DAB2IP: variants seen among roughly 807,000 people sequenced by gnomAD.
The protein encoded by DAB2IP is DAB2 interacting protein.
A neutral mutation model predicts 107.2 loss-of-function variants in DAB2IP; 28 were observed. The ratio of observed to expected loss-of-function variants is 0.26; its 90% confidence interval spans 0.19 to 0.36. The LOEUF is 0.36. Ranked by LOEUF, DAB2IP falls within the 10% of genes least tolerant of loss-of-function variation. The pLI, the probability that DAB2IP is intolerant of heterozygous loss-of-function variation, is 1.00. For synonymous variants in DAB2IP, 755 were observed against 706.4 expected (o/e 1.07, Z -1.09); for missense variants, 1,400 against 1,644.7 (o/e 0.85, Z 2.57).
At chr9:121,777,972 A>G (rs961416855) in intron 14 of DAB2IP, among the ~76,000 whole-genome samples, 1 of 152,208 alleles carries the variant, frequency 6.6e-6, no homozygotes, top group Admixed American at 6.5e-5. Context: ...GGTATGGTAT[A>G]GCTTTTTTTA....
chr9:121,621,289 G>A (rs1831455195), intron 1 of DAB2IP, among the ~76,000 whole-genome samples: 1 of 152,138 alleles, frequency 6.6e-6, no homozygotes, highest in Non-Finnish European at 1.5e-5. Context: ...GTATAATCAA[G>A]TCCCTGCTTG....
intron 3 of DAB2IP, among the ~76,000 whole-genome samples, chr9:121,744,880 C>T (rs775981771): frequency 7.2e-5 from 11 of 152,110 alleles, no homozygotes; most frequent in African/African-American, 1.4e-4. Context: ...CAGGCGTAGA[C>T]GGATAGGCTG....
intron 10 of DAB2IP, among the ~76,000 whole-genome samples, chr9:121,769,197 G>C (rs1252329873): frequency 6.6e-6 from 1 of 152,146 alleles, no homozygotes. Flanking sequence ...ACTACTTCCC[G>C]AATATCTGTT....
At chr9:121,615,481 T>C (rs1831239033) in intron 1 of DAB2IP, among the ~76,000 whole-genome samples, 1 of 152,150 alleles carries the variant, frequency 6.6e-6, no homozygotes, top group Non-Finnish European at 1.5e-5. Flanking sequence ...CCCAGAGAAC[T>C]CAGTGACTAG....
chr9:121,691,245 TGG>T lies in DAB2IP; in HGVS notation c.229-8076_229-8075del, dbSNP rs530165126. 1.4e-3 allele frequency among the ~76,000 whole-genome samples: 206 copies of T among 151,844 alleles called. 1 individual carries two copies. Among genetic ancestry groups the T allele is most frequent in the African/African-American group, 4.8e-3 (198 of 41,360 alleles). On this transcript the variant is annotated intron_variant, in intron 2 of 15. Transcript: ENST00000408936. Reference sequence around the variant, plus strand: ...GGAGGCTTTACAGTCCAGTATGGGGTGGGGGAGGCACTAAACAAACACACTTA... The same window carrying T: ...GGAGGCTTTACAGTCCAGTATGGGGTGGGAGGCACTAAACAAACACACTTA...
chr9:121,664,270 C>G (rs1010564914), intron 1 of DAB2IP, among the ~76,000 whole-genome samples: 1 of 152,234 alleles, frequency 6.6e-6, no homozygotes, highest in African/African-American at 2.4e-5. Flanking sequence ...TAATACTACA[C>G]TGTTTTGTAA....
chr9:121,654,765 G>T (rs1832906893), intron 1 of DAB2IP, among the ~76,000 whole-genome samples: 1 of 152,212 alleles, frequency 6.6e-6, no homozygotes, highest in Non-Finnish European at 1.5e-5. Flanking sequence ...CCATGGTGTG[G>T]TAGCATCGGA....
chr9:121,776,413 C>T lies in DAB2IP; in HGVS notation c.3314+22C>T, dbSNP rs903979137. ...GCAGGTGGGGCCCACACCTGCCTGG[C>T]CTGGCCACAGGCACAGGCAGGGCAG... On this transcript the variant is annotated intron_variant, in intron 14 of 15. Coordinates refer to ENST00000408936, the Ensembl canonical transcript of DAB2IP. The surrounding 1 kb of genome is among the most constrained non-coding windows in gnomAD (Gnocchi z 5.4). 4 of 1,503,590 alleles carry T rather than the reference C, an allele frequency of 2.7e-6. No individual in the cohort carries two copies. In the African/African-American group the frequency reaches 5.6e-5, roughly 21 times the overall value. 93.1% of individuals were successfully genotyped at this position (1,503,590 alleles called of 1,614,324 possible). A position where few individuals can be genotyped will look rare whatever the true frequency, so the allele number is the denominator to read the frequency against.
chr9:121,678,701 T>C, exon 2 of DAB2IP: 1 of 1,585,034 alleles, frequency 6.3e-7, no homozygotes, highest in East Asian at 2.3e-5. Context: ...AAGGCCGGGC[T>C]CTCGGCGCAG....
chr9:121,567,101 T>G, exon 1 of DAB2IP: 1 of 1,568,082 alleles, frequency 6.4e-7, no homozygotes, highest in Non-Finnish European at 8.7e-7. Context: ...AGCCGCCAGA[T>G]GGAATACAAA....
chr9:121,664,882 ATCT>A (rs1176296873), intron 1 of DAB2IP, among the ~76,000 whole-genome samples: 1 of 152,214 alleles, frequency 6.6e-6, no homozygotes, highest in Admixed American at 6.5e-5. Context: ...ACATAAAATG[ATCT>A]TCTTTGTAGC....
rs565736783 is a variant in DAB2IP at position 121,622,992 on chromosome 9, GTGCCTGGGGGT to G, written c.41-55685_41-55675del. ...GGCATTCCTGAGAATGAGCATGTGG[GTGCCTGGGGGT>G]GTGCACGTGGGGCACCCTGGGTCCT... is the stretch of plus-strand genomic sequence containing the variant. On this transcript the variant is annotated intron_variant, in intron 1 of 16. Transcript: ENST00000259371. 2.9e-3 allele frequency among the ~76,000 whole-genome samples: 441 copies of G among 152,350 alleles called. 2 individuals are homozygous for G. The highest frequency in any genetic ancestry group is 6.8e-3 in the Middle Eastern group (2 of 294).
At chr9:121,572,375 C>T (rs1829964668) in intron 1 of DAB2IP, among the ~76,000 whole-genome samples, 1 of 151,884 alleles carries the variant, frequency 6.6e-6, no homozygotes, top group African/African-American at 2.4e-5. Context: ...CCTGAGAAGG[C>T]ACTCAATACA....
In DAB2IP at chr9:121,782,303, C is replaced by G; in HGVS notation, c.3403-28C>G. 4 of 1,608,088 alleles carry G rather than the reference C, an allele frequency of 2.5e-6. No individual in the cohort carries two copies. The highest frequency in any genetic ancestry group is 2.6e-6 in the Non-Finnish European group (3 of 1,175,648). ...CAGCCCTAAGGAGCCTGTCCCATGA[C>G]CCCCGCTCACATCCCCATTGTCCAC... is the stretch of plus-strand genomic sequence containing the variant. On this transcript the variant is annotated intron_variant, in intron 15 of 15. Coordinates refer to ENST00000408936, the Ensembl canonical transcript of DAB2IP. The surrounding 1 kb of genome is among the most constrained non-coding windows in gnomAD (Gnocchi z 6.1).
chr9:121,639,085 G>T (rs946883846), intron 1 of DAB2IP, among the ~76,000 whole-genome samples: 3 of 152,202 alleles, frequency 2.0e-5, no homozygotes, highest in Non-Finnish European at 4.4e-5. Flanking sequence ...GGCTGTGTGG[G>T]ATTGAATCCT....
intron 10 of DAB2IP, among the ~76,000 whole-genome samples, chr9:121,769,558 C>T (rs1021082540): frequency 2.0e-5 from 3 of 152,120 alleles, no homozygotes; most frequent in African/African-American, 7.2e-5. Context: ...TTCACCAGTC[C>T]CCTATTGATG....
In DAB2IP at chr9:121,774,201, C is replaced by T. The variant is rs752630922; in HGVS notation, c.2968-59C>T. On this transcript the variant is annotated intron_variant, in intron 12 of 15. Transcript: ENST00000408936. Reference sequence around the variant, plus strand: ...CCTTGTGGCTCACCTGGGCCACTCCCGCCCCTCCTGCTTGCCCTCCACCTC... The same window carrying T: ...CCTTGTGGCTCACCTGGGCCACTCCTGCCCCTCCTGCTTGCCCTCCACCTC... The T allele has an allele frequency of 4.9e-5, 73 of 1,489,086 alleles. No individual in the cohort carries two copies. The Middle Eastern group carries it at 5.4e-4, about 11-fold the overall frequency. The allele number at this position is 1,489,086 out of a possible 1,614,324, so 92.2% of individuals were successfully genotyped here.
chr9:121,737,517 G>C, intron 3 of DAB2IP: 1 of 985,420 alleles, frequency 1.0e-6, no homozygotes, highest in Non-Finnish European at 1.2e-6. Flanking sequence ...GAGCTGCCTG[G>C]GTGAGCACCA....
intron 3 of DAB2IP, among the ~76,000 whole-genome samples, chr9:121,756,677 C>T (rs374505374): frequency 1.9e-4 from 29 of 152,358 alleles, no homozygotes; most frequent in African/African-American, 6.3e-4. Context: ...CTGGGTCAGG[C>T]GGGCTTTCCT....
Sources: allele counts gnomAD v4.1 joint callset (sites outside exome capture counted in the v4.1 genomes callset), GRCh38; gene constraint gnomAD v4.1.1; non-coding constraint Gnocchi (gnomAD v3.1); transcripts MANE v1.5; gene names NCBI Gene and HGNC (gene_info 2026-07-23, HGNC 2026-07-21).